The following PCDHGA3 variants were observed in gnomAD, a reference collection of about 807,000 sequenced individuals.
PCDHGA3 encodes the protein protocadherin gamma subfamily A, 3.
In PCDHGA3, 40 loss-of-function variants were observed where a neutral mutation model predicts 58.5. That is an observed-to-expected ratio of 0.68 (90% CI 0.53 to 0.89). PCDHGA3 has a LOEUF of 0.89. Ranked by LOEUF, PCDHGA3 falls within the 40% of genes least tolerant of loss-of-function variation. The pLI is 0.00. For synonymous variants in PCDHGA3, 530 were observed against 525.7 expected, an observed-to-expected ratio of 1.01 and a Z score of -0.11; for missense variants, 1,223 against 1,195.9, an observed-to-expected ratio of 1.02 and a Z score of -0.33.
chr5:141,388,843 G>C (rs750672396), intron 1 of PCDHGA3: 1 of 1,614,002 alleles, frequency 6.2e-7, no homozygotes, highest in Admixed American at 1.7e-5. Flanking sequence ...TTGGAAGCAA[G>C]GGACGGTGGA....
intron 1 of PCDHGA3, chr5:141,350,136 T>C: frequency 2.6e-6 from 2 of 762,100 alleles, no homozygotes; most frequent in East Asian, 5.8e-5. Flanking sequence ...GCACAGACGC[T>C]GCTCCTGTTC....
chr5:141,372,132 C>A, intron 1 of PCDHGA3: 1 of 1,613,718 alleles, frequency 6.2e-7, no homozygotes, highest in Non-Finnish European at 8.5e-7. Flanking sequence ...TATGGTGCCG[C>A]GCTCTGCAGA....
intron 1 of PCDHGA3, among the ~76,000 whole-genome samples, chr5:141,446,571 G>C (rs1460375061): frequency 2.0e-5 from 3 of 152,058 alleles, no homozygotes; most frequent in African/African-American, 7.2e-5. Flanking sequence ...CTGCCTCCCA[G>C]GTTCAAGTGA....
In PCDHGA3 at chr5:141,511,112, G is replaced by C. The variant is rs767257788; in HGVS notation, c.2738G>C (p.Gly913Ala). The change falls in exon 4 of 4, where the codon GGC becomes GCC. Residue 913 changes from glycine (G) to alanine (A), a missense_variant. Coordinates refer to ENST00000253812, the MANE Select transcript of PCDHGA3 (RefSeq NM_018916.4). ...TLTNAAGKRD[G>A]KAPAGGNGNK... The stretch of plus-strand genomic sequence containing the variant: ...ACCAACGCAGCTGGCAAGCGGGATG[G>C]CAAGGCCCCAGCAGGTGGCAATGGC... The C allele has an allele frequency of 4.3e-6, 7 of 1,614,232 alleles. No homozygotes were observed. Among genetic ancestry groups the C allele is most frequent in the Non-Finnish European group, 5.9e-6 (7 of 1,180,024 alleles).
chr5:141,359,428 G>A (rs1561518196), intron 1 of PCDHGA3, among the ~76,000 whole-genome samples: 1 of 151,478 alleles, frequency 6.6e-6, no homozygotes, highest in East Asian at 1.9e-4. Flanking sequence ...TGTTAGAATG[G>A]GCAGTGGGTT....
intron 1 of PCDHGA3, chr5:141,404,421 C>T (rs199749783): frequency 1.2e-6 from 2 of 1,613,574 alleles, no homozygotes; most frequent in Non-Finnish European, 1.7e-6. Flanking sequence ...GTTATTTACT[C>T]CTTGGCAGAG....
intron 1 of PCDHGA3, among the ~76,000 whole-genome samples, chr5:141,475,339 T>C (rs1295364417): frequency 1.3e-5 from 2 of 152,188 alleles, no homozygotes; most frequent in Non-Finnish European, 2.9e-5. Flanking sequence ...AACAATGACA[T>C]CCAGTTTTAA....
chr5:141,510,954 T>G lies in PCDHGA3; in HGVS notation c.2580T>G (p.Ala860=), dbSNP rs774590102. The change falls in exon 4 of 4, where the codon GCT becomes GCG. Residue 860 remains alanine, a synonymous_variant. Coordinates refer to ENST00000253812, the MANE Select transcript of PCDHGA3 (RefSeq NM_018916.4). ...AMILASASEA[A]DGSSTLGGGA... ...CTTCCTCTGTCTCTGCAGAAGCTGC[T>G]GATGGGAGCTCCACCCTGGGAGGGG... is the stretch of plus-strand genomic sequence containing the variant. The G allele has an allele frequency of 3.1e-6, 5 of 1,614,162 alleles. No homozygotes were observed. The Admixed American group carries it at 8.3e-5, about 27-fold the overall frequency.
At chr5:141,389,751 G>A (rs755499740) in intron 1 of PCDHGA3, 1 of 1,612,800 alleles carries the variant, frequency 6.2e-7, no homozygotes, top group Non-Finnish European at 8.5e-7. Flanking sequence ...GCGCACGGGC[G>A]AAGTGCGCAC....
Position 141,485,166 on chromosome 5 carries a change from C to T in PCDHGA3, c.2425-9641C>T, listed in dbSNP as rs1180453938. 2 of 1,606,374 alleles carry T rather than the reference C, an allele frequency of 1.2e-6. No individual in the cohort carries two copies. Among genetic ancestry groups the T allele is most frequent in the Non-Finnish European group, 8.5e-7 (1 of 1,174,214 alleles). ...CAGGAGCAAGTAGAGAATTAGCGGG[C>T]GGCAGCAATGCTCCGCAAGGTGAGA... On this transcript the variant is annotated intron_variant, in intron 1 of 3. Transcript: ENST00000253812. The surrounding 1 kb of genome is among the most constrained non-coding windows in gnomAD (Gnocchi z 5.7).
Position 141,432,248 on chromosome 5 carries a change from C to T in PCDHGA3, c.2425-62559C>T. Reference sequence around the variant, plus strand: ...TTATTCCCTGGCTGAGAACACCATCCAAGGGGCAAGCCTATCGTCCTACGT... The same window carrying T: ...TTATTCCCTGGCTGAGAACACCATCTAAGGGGCAAGCCTATCGTCCTACGT... On this transcript the variant is annotated intron_variant, in intron 1 of 3. Transcript: ENST00000253812. This position sits in a 1 kb window ranked among gnomAD's most constrained non-coding sequence, Gnocchi z 6.0. 1.2e-6 allele frequency: 2 copies of T among 1,614,244 alleles called. No individual in the cohort carries two copies. Among genetic ancestry groups the T allele is most frequent in the South Asian group, 1.1e-5 (1 of 91,090 alleles).
At chr5:141,370,305 G>T in intron 1 of PCDHGA3, 2 of 1,206,280 alleles carry the variant, frequency 1.7e-6, no homozygotes, top group Non-Finnish European at 2.3e-6. Context: ...CAAAGACAAA[G>T]CAAATAGTTG....
intron 1 of PCDHGA3, chr5:141,415,308 C>A: frequency 6.2e-7 from 1 of 1,614,236 alleles, no homozygotes; most frequent in Non-Finnish European, 8.5e-7. Context: ...TCCTGGCCTT[C>A]GTCATCGTGC....
In PCDHGA3 at chr5:141,364,448, G is replaced by C. The variant is rs1458012071; in HGVS notation, c.2424+17991G>C. On this transcript the variant is annotated intron_variant, in intron 1 of 3. Coordinates refer to ENST00000253812, the MANE Select transcript of PCDHGA3 (RefSeq NM_018916.4). ...CCGCTACTCGATGCCGGAGGAGCTGGACAAAGGCTCCTTCGTCGGCAACAT... is the reference window on the plus strand; with the variant it reads ...CCGCTACTCGATGCCGGAGGAGCTGCACAAAGGCTCCTTCGTCGGCAACAT... The C allele has an allele frequency of 3.7e-6, 6 of 1,613,860 alleles. No individual in the cohort carries two copies. The Admixed American group carries it at 8.3e-5, about 22-fold the overall frequency.
intron 1 of PCDHGA3, chr5:141,402,791 C>A: frequency 1.0e-6 from 1 of 998,930 alleles, no homozygotes; most frequent in Non-Finnish European, 1.4e-6. Context: ...TCTGCGGCTA[C>A]ACAAAACCCG....
At chr5:141,402,882 G>A in intron 1 of PCDHGA3, 1 of 1,479,680 alleles carries the variant, frequency 6.8e-7, no homozygotes, top group South Asian at 1.4e-5. Context: ...TACTTTGCAG[G>A]GTGGAAGAAA....
chr5:141,373,336 T>C (rs1769491453), intron 1 of PCDHGA3, among the ~76,000 whole-genome samples: 1 of 152,216 alleles, frequency 6.6e-6, no homozygotes, highest in South Asian at 2.1e-4. Flanking sequence ...GCATCTAAAA[T>C]GGCAACTCTT....
rs77976889 is a variant in PCDHGA3, at chr5:141,493,704, G to C, written c.2425-1103G>C. On this transcript the variant is annotated intron_variant, in intron 1 of 3. Transcript: ENST00000253812. This position sits in a 1 kb window ranked among gnomAD's most constrained non-coding sequence, Gnocchi z 4.3. ...GTGCTGGTGACTCCCGATACACCTG[G>C]AATGCTAGGTTTCTGGGTTCTGCTC... Among the ~76,000 whole-genome samples the C allele has an allele frequency of 1.7e-3, 258 of 152,278 alleles. 2 individuals are homozygous for C. The highest frequency in any genetic ancestry group is 5.7e-3 in the African/African-American group (237 of 41,540).
chr5:141,405,279 C>G, intron 1 of PCDHGA3: 1 of 1,614,144 alleles, frequency 6.2e-7, no homozygotes, highest in Non-Finnish European at 8.5e-7. Flanking sequence ...CCCAACTATG[C>G]AGACACACTC....
Sources: gnomAD v4.1 joint callset for allele counts (sites outside exome capture counted in the v4.1 genomes callset) on GRCh38, gnomAD v4.1.1 for gene constraint, Gnocchi (gnomAD v3.1) non-coding constraint, MANE v1.5 for transcripts, NCBI Gene and HGNC (gene_info 2026-07-23, HGNC 2026-07-21) for gene names.